Variants in PTPRM observed in about 807,000 individuals in gnomAD.
PTPRM encodes protein tyrosine phosphatase receptor type M.
A neutral mutation model predicts 186.7 loss-of-function variants in PTPRM; 47 were observed. That is an observed-to-expected ratio of 0.25 (90% confidence interval 0.20 to 0.32). The LOEUF (loss-of-function observed/expected upper bound fraction) is 0.32. PTPRM is among the 10% of genes least tolerant of loss of function. The pLI, the probability that PTPRM is intolerant of heterozygous loss-of-function variation, is 1.00. For synonymous variants in PTPRM, 668 were observed against 674.9 expected (o/e 0.99, Z 0.16); for missense variants, 1,494 against 1,865.0 (o/e 0.80, Z 3.66).
intron 7 of PTPRM, among the ~76,000 whole-genome samples, chr18:7,984,938 CATATATATACAT>C (rs2082800839): frequency 8.7e-6 from 1 of 115,152 alleles, no homozygotes. Flanking sequence ...TAAATATATA[CATATATATACAT>C]ATATAATTAT....
chr18:7,870,455 A>C (rs999696082), intron 2 of PTPRM, among the ~76,000 whole-genome samples: 1 of 152,140 alleles, frequency 6.6e-6, no homozygotes, highest in Non-Finnish European at 1.5e-5. Flanking sequence ...ATTTTTGTGC[A>C]TATGGTTGAG....
At chr18:7,663,420 C>T (rs1346433075) in intron 1 of PTPRM, among the ~76,000 whole-genome samples, 1 of 152,152 alleles carries the variant, frequency 6.6e-6, no homozygotes, top group Non-Finnish European at 1.5e-5. Flanking sequence ...AAAATCACTG[C>T]CTTCATGGAG....
At chr18:7,664,735 T>C (rs2039059252) in intron 1 of PTPRM, among the ~76,000 whole-genome samples, 1 of 152,148 alleles carries the variant, frequency 6.6e-6, no homozygotes, top group African/African-American at 2.4e-5. Flanking sequence ...CATAACTCTT[T>C]TGTTGAGGGA....
chr18:8,173,782 T>G lies in PTPRM; in HGVS notation c.2300+30003T>G, dbSNP rs542218506. On this transcript the variant is annotated intron_variant, in intron 14 of 32. Transcript: ENST00000580170. ...TTCAAAAGACATCTCAAAAGGCCAA[T>G]CTTAGGATGGATGTGGTGGCTCACC... 6.0e-4 allele frequency among the ~76,000 whole-genome samples: 91 copies of G among 152,178 alleles called. No homozygotes were observed. In the South Asian group the frequency reaches 0.013, roughly 22 times the overall value.
At chr18:8,024,382 C>A (rs1450589196) in intron 7 of PTPRM, among the ~76,000 whole-genome samples, 2 of 152,132 alleles carry the variant, frequency 1.3e-5, no homozygotes, top group African/African-American at 4.8e-5. Flanking sequence ...ATTCTTACTG[C>A]CCCATGGCTG....
intron 19 of PTPRM, among the ~76,000 whole-genome samples, chr18:8,263,516 A>C (rs2094659244): frequency 6.6e-6 from 1 of 152,142 alleles, no homozygotes; most frequent in South Asian, 2.1e-4. Flanking sequence ...CTGAGCTCTT[A>C]AAACCCTTGG....
intron 14 of PTPRM, among the ~76,000 whole-genome samples, chr18:8,195,267 G>T (rs77637558): frequency 6.7e-6 from 1 of 148,312 alleles, no homozygotes. Flanking sequence ...TATTTGCTTC[G>T]TGGTTCCATC....
Position 8,027,917 on chromosome 18 carries a change from T to A in PTPRM, c.1133-41769T>A, listed in dbSNP as rs188337208. On this transcript the variant is annotated intron_variant, in intron 7 of 32. Transcript: ENST00000580170. ...CTGTCTTCTGTCTCTTCTCCACGCC[T>A]CTGTCTACCCCATCCCTTCACTGTT... Among the ~76,000 whole-genome samples the A allele has an allele frequency of 2.0e-3, 312 of 152,270 alleles. 2 individuals are homozygous for A. The highest frequency in any genetic ancestry group is 7.1e-3 in the African/African-American group (297 of 41,562).
intron 9 of PTPRM, among the ~76,000 whole-genome samples, chr18:8,084,144 G>A (rs2090305016): frequency 6.6e-6 from 1 of 152,102 alleles, no homozygotes; most frequent in Non-Finnish European, 1.5e-5. Context: ...GATTCCTAAA[G>A]CACCATGCAA....
intron 1 of PTPRM, among the ~76,000 whole-genome samples, chr18:7,738,498 C>T (rs574292875): frequency 5.4e-4 from 82 of 151,950 alleles, no homozygotes; most frequent in African/African-American, 1.9e-3. Flanking sequence ...TGCAGTGGCA[C>T]GATCTCAGCT....
At chr18:7,644,831 A>G (rs975752490) in intron 1 of PTPRM, among the ~76,000 whole-genome samples, 10 of 152,180 alleles carry the variant, frequency 6.6e-5, no homozygotes, top group Non-Finnish European at 1.3e-4. Flanking sequence ...ATACAGTAGA[A>G]GATGATATAC....
intron 11 of PTPRM, among the ~76,000 whole-genome samples, chr18:8,107,197 G>A (rs954931803): frequency 1.3e-5 from 2 of 152,106 alleles, no homozygotes; most frequent in African/African-American, 2.4e-5. Flanking sequence ...TATGAAATAG[G>A]AAATGCAAAG....
chr18:8,263,631 A>G (rs1051404281), intron 19 of PTPRM, among the ~76,000 whole-genome samples: 3 of 152,146 alleles, frequency 2.0e-5, no homozygotes, highest in Admixed American at 6.5e-5. Context: ...GGGTCTCCAG[A>G]AAAACCTAAT....
At position 7,739,449 on chromosome 18, in the gene PTPRM, A is replaced by G. The variant is rs1371387679; in HGVS notation, c.74-34700A>G. On this transcript the variant is annotated intron_variant, in intron 1 of 32. Transcript: ENST00000580170. ...TTAGCATGACAACATAAAGCGAGAA[A>G]TGTGCATTAAAATGATGTATAACAT... Among the ~76,000 whole-genome samples the G allele has an allele frequency of 1.3e-5, 2 of 152,254 alleles. 1 individual carries two copies. Among genetic ancestry groups the G allele is most frequent in the African/African-American group, 4.8e-5 (2 of 41,470 alleles).
At chr18:7,770,603 A>C (rs2042227705) in intron 1 of PTPRM, among the ~76,000 whole-genome samples, 1 of 152,218 alleles carries the variant, frequency 6.6e-6, no homozygotes, top group East Asian at 1.9e-4. Context: ...TTTTACATAA[A>C]GAATCTAGAC....
chr18:7,691,115 A>AT lies in PTPRM; in HGVS notation c.74-83025dup, dbSNP rs938160344. On this transcript the variant is annotated intron_variant, in intron 1 of 32. Transcript: ENST00000580170. ...ATTATTCAGTAAATGTTTTGATTTTATTTTTTTTTATTTTTAAGACCTTGC... is the reference window on the plus strand; with the variant it reads ...ATTATTCAGTAAATGTTTTGATTTTATTTTTTTTTTATTTTTAAGACCTTGC... Among the ~76,000 whole-genome samples the AT allele has an allele frequency of 3.5e-4, 53 of 151,402 alleles. 1 individual carries two copies. The highest frequency in any genetic ancestry group is 3.4e-4 in the Non-Finnish European group (23 of 67,756).
intron 9 of PTPRM, among the ~76,000 whole-genome samples, chr18:8,082,009 GAAC>G (rs1323134391): frequency 2.5e-4 from 38 of 152,226 alleles, no homozygotes; most frequent in Admixed American, 1.8e-3. Context: ...AGCCCTGCTG[GAAC>G]AACAAGTCCC....
intron 7 of PTPRM, among the ~76,000 whole-genome samples, chr18:7,957,112 T>G (rs1240251688): frequency 6.6e-6 from 1 of 152,164 alleles, no homozygotes; most frequent in Admixed American, 6.5e-5. Context: ...GGAGAGAGAC[T>G]GTGATCTGTT....
intron 19 of PTPRM, among the ~76,000 whole-genome samples, chr18:8,268,056 C>T (rs1202025254): frequency 2.0e-5 from 3 of 152,046 alleles, no homozygotes; most frequent in Non-Finnish European, 2.9e-5. Flanking sequence ...ATTTGTGTTT[C>T]CATAATTTTA....
Sources: allele counts gnomAD v4.1 joint callset (sites outside exome capture counted in the v4.1 genomes callset), GRCh38; gene constraint gnomAD v4.1.1; transcripts MANE v1.5; gene names NCBI Gene and HGNC (gene_info 2026-07-23, HGNC 2026-07-21).